CTNNA2: variants seen among roughly 807,000 people sequenced by gnomAD.
The protein encoded by CTNNA2 is catenin alpha 2, also known as catenin alpha-2.
A neutral mutation model predicts 101.0 loss-of-function variants in CTNNA2; 42 were observed. The ratio of observed to expected loss-of-function variants is 0.42; its 90% CI spans 0.32 to 0.54. The LOEUF (loss-of-function observed/expected upper bound fraction) is 0.54, where lower values mean the gene tolerates loss of function less well. CTNNA2 is among the 20% of genes least tolerant of loss of function. The pLI, the probability that CTNNA2 is intolerant of heterozygous loss-of-function variation, is 0.14. For missense variants in CTNNA2, 871 were observed against 1,223.1 expected (o/e 0.71, Z 4.29); for synonymous variants, 450 against 456.4 (o/e 0.99, Z 0.18).
intron 7 of CTNNA2, among the ~76,000 whole-genome samples, chr2:79,973,948 G>GTTTT (rs1690661863): frequency 7.7e-5 from 2 of 25,902 alleles, no homozygotes; most frequent in Non-Finnish European, 1.5e-4. Context: ...AGTTTTGTTT[G>GTTTT]TTTGTTTGTT....
chr2:79,739,987 T>C (rs935810917), intron 2 of CTNNA2, among the ~76,000 whole-genome samples: 2 of 152,230 alleles, frequency 1.3e-5, no homozygotes, highest in Non-Finnish European at 2.9e-5. Flanking sequence ...TGGTTCTTCA[T>C]GACTGAGCAA....
chr2:79,967,117 CGTGTGTGT>C (rs56007530), intron 7 of CTNNA2, among the ~76,000 whole-genome samples: 4 of 149,578 alleles, frequency 2.7e-5, no homozygotes, highest in Non-Finnish European at 5.9e-5. Flanking sequence ...CGCGCACGCA[CGTGTGTGT>C]GTGTGTGTGT....
At chr2:79,867,792 T>C (rs1167401617) in intron 4 of CTNNA2, among the ~76,000 whole-genome samples, 1 of 152,150 alleles carries the variant, frequency 6.6e-6, no homozygotes, top group Non-Finnish European at 1.5e-5. Flanking sequence ...AAATCCAGAA[T>C]TTAGCTCCCT....
chr2:79,495,950 A>G (rs559637092), intron 4 of CTNNA2, among the ~76,000 whole-genome samples: 29 of 152,218 alleles, frequency 1.9e-4, no homozygotes, highest in African/African-American at 6.7e-4. Flanking sequence ...GTGGTTTACT[A>G]TGGCTAAGAA....
At chr2:79,415,874 C>A (rs1227826021) in intron 4 of CTNNA2, among the ~76,000 whole-genome samples, 1 of 152,028 alleles carries the variant, frequency 6.6e-6, no homozygotes, top group Non-Finnish European at 1.5e-5. Context: ...ATCAGTCTTA[C>A]AATTGGGGAA....
chr2:79,242,985 T>TACACACACAC (rs1345425334), intron 2 of CTNNA2, among the ~76,000 whole-genome samples: 5 of 50,358 alleles, frequency 9.9e-5, no homozygotes, highest in African/African-American at 2.7e-4. Context: ...TATATATATA[T>TACACACACAC]ATATATATAC....
At chr2:80,015,671 A>G (rs1162772648) in intron 7 of CTNNA2, among the ~76,000 whole-genome samples, 9 of 152,198 alleles carry the variant, frequency 5.9e-5, no homozygotes, top group Non-Finnish European at 8.8e-5. Context: ...ATTCTTATCT[A>G]TAAATCAGAT....
At chr2:79,787,662 T>C (rs1382546470) in intron 3 of CTNNA2, among the ~76,000 whole-genome samples, 5 of 151,998 alleles carry the variant, frequency 3.3e-5, no homozygotes, top group African/African-American at 1.2e-4. Context: ...TCAGGGAGAA[T>C]TTATTTCCTT....
chr2:80,593,084 C>T (rs945897973), intron 15 of CTNNA2, among the ~76,000 whole-genome samples: 4 of 152,026 alleles, frequency 2.6e-5, no homozygotes, highest in Admixed American at 2.6e-4. Context: ...ATGCTCTTTC[C>T]AAGGAAACTA....
chr2:79,982,399 TATAAC>T (rs1691430647), intron 7 of CTNNA2, among the ~76,000 whole-genome samples: 1 of 144,006 alleles, frequency 6.9e-6, no homozygotes, highest in African/African-American at 2.7e-5. Context: ...ATATAACATA[TATAAC>T]ATATAACACA....
At chr2:79,443,512 C>G (rs966504791) in intron 4 of CTNNA2, among the ~76,000 whole-genome samples, 1 of 152,080 alleles carries the variant, frequency 6.6e-6, no homozygotes, top group Middle Eastern at 3.2e-3. Context: ...TGGAAACACC[C>G]TCATAGACAC....
chr2:80,261,444 G>T (rs939566135), intron 7 of CTNNA2, among the ~76,000 whole-genome samples: 1 of 151,944 alleles, frequency 6.6e-6, no homozygotes, highest in Non-Finnish European at 1.5e-5. Flanking sequence ...AGCAGTTTGC[G>T]TGCTCTCAAG....
chr2:80,227,349 C>T (rs1452466312), intron 7 of CTNNA2, among the ~76,000 whole-genome samples: 51 of 152,070 alleles, frequency 3.4e-4, no homozygotes, highest in Non-Finnish European at 2.9e-5. Flanking sequence ...CTTATTTTTG[C>T]CTCACATACT....
intron 2 of CTNNA2, among the ~76,000 whole-genome samples, chr2:79,203,139 C>T (rs892013811): frequency 1.3e-5 from 2 of 152,124 alleles, no homozygotes; most frequent in Admixed American, 6.6e-5. Flanking sequence ...GTTGTTGGGA[C>T]TCTCCTATTG....
intron 1 of CTNNA2, among the ~76,000 whole-genome samples, chr2:79,608,512 C>G (rs982875201): frequency 1.3e-5 from 2 of 151,864 alleles, no homozygotes; most frequent in Non-Finnish European, 2.9e-5. Context: ...AAATGCTAAA[C>G]CAAGTGTACC....
intron 1 of CTNNA2, among the ~76,000 whole-genome samples, chr2:79,543,657 A>G (rs1673555714): frequency 6.6e-6 from 1 of 152,156 alleles, no homozygotes; most frequent in South Asian, 2.1e-4. Context: ...AGATCATTTA[A>G]TAGATGATTA....
chr2:80,045,236 A>G (rs1696436791), intron 7 of CTNNA2, among the ~76,000 whole-genome samples: 1 of 152,178 alleles, frequency 6.6e-6, no homozygotes, highest in Non-Finnish European at 1.5e-5. Flanking sequence ...AAGCAGTCCT[A>G]ATTGTACCCA....
chr2:79,898,291 G>A (rs1490838696), intron 6 of CTNNA2, among the ~76,000 whole-genome samples: 1 of 151,866 alleles, frequency 6.6e-6, no homozygotes, highest in Non-Finnish European at 1.5e-5. Context: ...CCGCCACCAT[G>A]CCCAGGTAAG....
chr2:79,319,086 C>G (rs147050693), intron 3 of CTNNA2, among the ~76,000 whole-genome samples: 249 of 152,206 alleles, frequency 1.6e-3, no homozygotes, highest in African/African-American at 5.7e-3. Context: ...GAGAGGAAGA[C>G]CCAGGTAAAA....
Sources: allele counts gnomAD v4.1 joint callset (sites outside exome capture counted in the v4.1 genomes callset), GRCh38; gene constraint gnomAD v4.1.1; transcripts MANE v1.5; gene names NCBI Gene and HGNC (gene_info 2026-07-23, HGNC 2026-07-21).